The following FBP2 variants were observed in gnomAD, a reference collection of about 807,000 sequenced individuals.
FBP2 encodes the protein fructose-1,6-bisphosphatase isozyme 2.
A neutral mutation model predicts 31.6 loss-of-function variants in FBP2; 27 were observed. That is an observed-to-expected ratio of 0.85 (90% CI 0.63 to 1.18). FBP2 has a LOEUF of 1.18. Among genes scored for constraint, FBP2 ranks in the 50% most tolerant of loss-of-function variants. The probability of loss-of-function intolerance (pLI) is 0.00; values close to 1 mark genes in which losing one functional copy is unlikely to be tolerated. For synonymous variants in FBP2, 168 were observed against 179.8 expected (o/e 0.93, Z 0.53); for missense variants, 421 against 436.1 (o/e 0.97, Z 0.31).
intron 6 of FBP2, among the ~76,000 whole-genome samples, chr9:94,561,313 T>G (rs964783686): frequency 6.7e-6 from 1 of 150,170 alleles, no homozygotes; most frequent in African/African-American, 2.4e-5. Context: ...CAGGGCTTCA[T>G]GGCACCTTGG....
intron 3 of FBP2, among the ~76,000 whole-genome samples, chr9:94,572,704 C>T (rs1012893397): frequency 2.2e-4 from 34 of 152,034 alleles, no homozygotes; most frequent in African/African-American, 8.0e-4. Flanking sequence ...TTAATTCACA[C>T]ACACACACAA....
chr9:94,580,084 CCT>C (rs1332932539), intron 3 of FBP2, among the ~76,000 whole-genome samples: 1 of 152,164 alleles, frequency 6.6e-6, no homozygotes, highest in Admixed American at 6.5e-5. Flanking sequence ...TTTTTCTTTC[CCT>C]GTCTGGTAAT....
chr9:94,579,777 G>A (rs770128229), intron 3 of FBP2, among the ~76,000 whole-genome samples: 1 of 152,140 alleles, frequency 6.6e-6, no homozygotes, highest in Non-Finnish European at 1.5e-5. Context: ...CCCTTGAGAA[G>A]GCCTGAGAGG....
At chr9:94,577,878 G>A (rs1423523971) in intron 3 of FBP2, 1 of 152,188 alleles carries the variant, frequency 6.6e-6, no homozygotes, top group East Asian at 1.9e-4. Flanking sequence ...ATGTATACAT[G>A]TTTAGATATG....
chr9:94,565,601 C>G (rs943731943), intron 5 of FBP2, among the ~76,000 whole-genome samples: 7 of 152,108 alleles, frequency 4.6e-5, no homozygotes, highest in African/African-American at 1.7e-4. Context: ...AGATGGAACC[C>G]ATATTCCTAA....
At chr9:94,571,352 C>T in intron 4 of FBP2, 110 bp downstream of exon 4, 1 of 1,180,136 alleles carries the variant, frequency 8.5e-7, no homozygotes, top group Non-Finnish European at 1.1e-6. Flanking sequence ...GACCCCTGGT[C>T]CCCAAAACAA....
At chr9:94,583,358 T>A (rs776586144) in intron 3 of FBP2, among the ~76,000 whole-genome samples, 2 of 152,214 alleles carry the variant, frequency 1.3e-5, no homozygotes, top group Non-Finnish European at 2.9e-5. Flanking sequence ...TTAAATCATA[T>A]GGCTTTAGAT....
rs1387458326 is a variant in FBP2, at chr9:94,571,603, CTG to C, written c.427-3_427-2del. ...TTTCAGAAGGCTCATCCTCTGAGGT[CTG>C]TGGAAGAGAGGGATAAATGCCATGT... On this transcript the variant is annotated splice_acceptor_variant and splice_polypyrimidine_tract_variant and intron_variant, in intron 3 of 6. Coordinates refer to ENST00000375337, the MANE Select transcript of FBP2 (RefSeq NM_003837.4). LOFTEE classifies it high-confidence loss of function. The C allele has an allele frequency of 6.2e-7, 1 of 1,610,624 alleles. No homozygotes were observed.
intron 1 of FBP2, 33 bp downstream of exon 1, chr9:94,593,524 C>G (rs1392691911): frequency 6.3e-7 from 1 of 1,595,500 alleles, no homozygotes. Flanking sequence ...GCCTGGGGTG[C>G]TCTGTGCCCC....
Position 94,559,100 on chromosome 9 carries a change from G to A in FBP2, c.858C>T (p.Ala286=), listed in dbSNP as rs760561547. 1 of 1,613,774 alleles carries A rather than the reference G, an allele frequency of 6.2e-7. No homozygotes were observed. Among genetic ancestry groups the A allele is most frequent in the Non-Finnish European group, 8.5e-7 (1 of 1,179,922 alleles). The change falls in exon 7 of 7, where the codon GCC becomes GCT. Residue 286 remains alanine (A), a synonymous_variant. Coordinates refer to ENST00000375337, the MANE Select transcript of FBP2 (RefSeq NM_003837.4). ...LRLLYECNPV[A]YIIEQAGGLA... The stretch of plus-strand genomic sequence containing the variant: ...AGCCTCCTGCCTGCTCAATGATGTA[G>A]GCCACGGGATTGCATTCATACAGGA...
rs772380672 is a variant in FBP2 at position 94,571,531 on chromosome 9, C to T, written c.498G>A (p.Ala166=). ...CGRNIVAAGY[A]LYGSATLVAL... is the part of the protein sequence containing the mutation. Reference sequence around the variant, plus strand: ...CCACCAGGGTTGCACTACCGTACAGCGCATAACCTGCGGCCACAATATTGC... The same window carrying T: ...CCACCAGGGTTGCACTACCGTACAGTGCATAACCTGCGGCCACAATATTGC... The change falls in exon 4 of 7, where the codon GCG becomes GCA. Residue 166 remains alanine (A), a synonymous_variant. Coordinates refer to ENST00000375337, the MANE Select transcript of FBP2 (RefSeq NM_003837.4). 9.9e-6 allele frequency: 16 copies of T among 1,613,864 alleles called. No individual in the cohort carries two copies. In the South Asian group the frequency reaches 1.2e-4, roughly 12 times the overall value.
At position 94,590,722 on chromosome 9, in the gene FBP2, C is replaced by A. The variant is rs558890256; in HGVS notation, c.170+2835G>T. 2.8e-3 allele frequency among the ~76,000 whole-genome samples: 430 copies of A among 152,294 alleles called. 2 individuals carry two copies. The highest frequency in any genetic ancestry group is 5.3e-3 in the Non-Finnish European group (360 of 68,014). ...AAAGCCTCCACAGTGTGGAAAGAGA[C>A]CCAAACGGGTTGCCGATGCTGGTTT... On this transcript the variant is annotated intron_variant, in intron 1 of 6. Coordinates refer to ENST00000375337, the MANE Select transcript of FBP2 (RefSeq NM_003837.4).
At chr9:94,591,321 G>A (rs1053083188) in intron 1 of FBP2, among the ~76,000 whole-genome samples, 1 of 152,234 alleles carries the variant, frequency 6.6e-6, no homozygotes, top group Admixed American at 6.5e-5. Flanking sequence ...GCGAGAAATC[G>A]AGCGCAGCGC....
In FBP2 at chr9:94,571,513, G is replaced by A. The variant is rs552321762; in HGVS notation, c.516C>T (p.Thr172=). 6.2e-7 allele frequency: 1 copy of A among 1,613,992 alleles called. No individual in the cohort carries two copies. ...CTTGCCCTGTGGAGAGAGCCACCAG[G>A]GTTGCACTACCGTACAGCGCATAAC... The part of the protein sequence containing the change: ...AAGYALYGSA[T]LVALSTGQGV... The change falls in exon 4 of 7, where the codon ACC becomes ACT. Residue 172 remains threonine, a synonymous_variant. Transcript: ENST00000375337.
chr9:94,577,104 C>T (rs1265123980), intron 3 of FBP2, among the ~76,000 whole-genome samples: 1 of 152,186 alleles, frequency 6.6e-6, no homozygotes, highest in East Asian at 1.9e-4. Flanking sequence ...TCATCCCACA[C>T]CATGTAGGTC....
intron 2 of FBP2, 33 bp from the exon 3 acceptor site, chr9:94,584,702 C>T (rs1479836993): frequency 7.6e-7 from 1 of 1,312,644 alleles, no homozygotes; most frequent in Admixed American, 1.7e-5. Context: ...AACTGATCAG[C>T]ACATCTTCCC....
chr9:94,560,445 A>C (rs1364047046), intron 6 of FBP2, among the ~76,000 whole-genome samples: 1 of 152,200 alleles, frequency 6.6e-6, no homozygotes, highest in East Asian at 1.9e-4. Context: ...ATCACCTTAG[A>C]TTCAGGGTGT....
Position 94,567,290 on chromosome 9 carries a change from G to A in FBP2, c.685C>T (p.Gln229Ter). 1 of 1,614,140 alleles carries A rather than the reference G, an allele frequency of 6.2e-7. No individual in the cohort carries two copies. Residue 229 changes from glutamine to a stop codon, truncating the protein, a stop_gained, in exon 5 of 7, where the codon CAG becomes TAG. Coordinates refer to ENST00000375337, the MANE Select transcript of FBP2 (RefSeq NM_003837.4). LOFTEE classifies it high-confidence loss of function. ...CTCACCTCAGGGAATTTCTTTTTCT[G>A]CACATATTCAGTGGTGGCCGCATCA... ...YFDAATTEYV[Q>*]KKKFPEDGSA...
intron 3 of FBP2, among the ~76,000 whole-genome samples, chr9:94,583,021 T>A (rs1339536374): frequency 6.6e-6 from 1 of 151,816 alleles, no homozygotes; most frequent in Non-Finnish European, 1.5e-5. Flanking sequence ...GCCCAGCTAA[T>A]TTTTGGTATT....
Sources: gnomAD v4.1 joint callset for allele counts (sites outside exome capture counted in the v4.1 genomes callset) on GRCh38, gnomAD v4.1.1 for gene constraint, MANE v1.5 for transcripts, NCBI Gene and HGNC (gene_info 2026-07-23, HGNC 2026-07-21) for gene names.